Variants in RBFOX1 observed in about 807,000 individuals in gnomAD.
RBFOX1 encodes RNA binding fox-1 homolog 1.
RBFOX1 carries 8 observed loss-of-function variants against 57.7 expected under a neutral mutation model. That is an observed-to-expected ratio of 0.14 (90% CI 0.08 to 0.25). The LOEUF is 0.25. RBFOX1 is among the 10% of genes least tolerant of loss of function. The probability of loss-of-function intolerance (pLI) is 1.00; values close to 1 mark genes in which losing one functional copy is unlikely to be tolerated. For missense variants in RBFOX1, 611 were observed against 548.5 expected, an observed-to-expected ratio of 1.11 and a Z score of -1.14; for synonymous variants, 326 against 222.4, an observed-to-expected ratio of 1.47 and a Z score of -4.15.
intron 4 of RBFOX1, among the ~76,000 whole-genome samples, chr16:7,409,195 G>C (rs910730083): frequency 2.6e-5 from 4 of 152,214 alleles, no homozygotes; most frequent in Non-Finnish European, 5.9e-5. Context: ...TGTGATCAGA[G>C]AGTCTGGAGA....
rs576016383 is a variant in RBFOX1 at position 5,258,796 on chromosome 16, G to C, written c.219+18691G>C. Among the ~76,000 whole-genome samples the C allele has an allele frequency of 4.7e-4, 71 of 152,166 alleles. 1 individual carries two copies. In the South Asian group the frequency reaches 0.012, roughly 26 times the overall value. ...CCGGGCATGGTGGCAGGCGCCTATA[G>C]TCCCACCTACTCGGGAGGCTGAGGC... On this transcript the variant is annotated intron_variant, in intron 1 of 2. Coordinates refer to the RBFOX1 transcript ENST00000585867.
intron 3 of RBFOX1, among the ~76,000 whole-genome samples, chr16:6,851,782 C>A (rs966467598): frequency 6.6e-6 from 1 of 152,124 alleles, no homozygotes; most frequent in Non-Finnish European, 1.5e-5. Context: ...CAGGTGGCAC[C>A]CGGACCCTTA....
At chr16:7,007,311 A>C (rs2093359319) in intron 3 of RBFOX1, among the ~76,000 whole-genome samples, 1 of 152,196 alleles carries the variant, frequency 6.6e-6, no homozygotes, top group Admixed American at 6.5e-5. Flanking sequence ...GTACGAATGC[A>C]TCTCATCCTT....
chr16:6,443,845 C>CCCAT (rs941937640), intron 2 of RBFOX1, among the ~76,000 whole-genome samples: 52 of 147,442 alleles, frequency 3.5e-4, no homozygotes, highest in East Asian at 1.5e-3. Flanking sequence ...CATCCATGCA[C>CCCAT]CCATCCATCC....
At chr16:5,847,251 G>A (rs776057286) in intron 3 of RBFOX1, among the ~76,000 whole-genome samples, 9 of 152,050 alleles carry the variant, frequency 5.9e-5, no homozygotes, top group Non-Finnish European at 1.0e-4. Context: ...AGAAGTAGGG[G>A]GAAGGACACA....
chr16:7,463,017 C>G (rs1025649576), intron 4 of RBFOX1, among the ~76,000 whole-genome samples: 6 of 152,166 alleles, frequency 3.9e-5, no homozygotes, highest in Admixed American at 3.9e-4. Context: ...GCTGCCATAA[C>G]TAAATGCCAA....
intron 3 of RBFOX1, among the ~76,000 whole-genome samples, chr16:6,800,746 A>G (rs2085233937): frequency 6.6e-6 from 1 of 152,298 alleles, no homozygotes; most frequent in South Asian, 2.1e-4. Context: ...GATAAAGTAC[A>G]AAGTAAGGGT....
At chr16:5,257,168 A>G (rs2062610556) in intron 1 of RBFOX1, among the ~76,000 whole-genome samples, 1 of 136,020 alleles carries the variant, frequency 7.4e-6, no homozygotes, top group African/African-American at 2.9e-5. Context: ...AAACAAACAA[A>G]CAGAAAACTC....
chr16:6,756,996 A>C (rs1174065582), intron 3 of RBFOX1, among the ~76,000 whole-genome samples: 1 of 144,952 alleles, frequency 6.9e-6, no homozygotes, highest in Non-Finnish European at 1.5e-5. Flanking sequence ...ACAAACAAAC[A>C]AACAAACAAA....
At chr16:7,403,065 T>C (rs2098271288) in intron 4 of RBFOX1, among the ~76,000 whole-genome samples, 1 of 152,208 alleles carries the variant, frequency 6.6e-6, no homozygotes, top group African/African-American at 2.4e-5. Flanking sequence ...CTGGATTATC[T>C]GACCACTTCT....
At chr16:6,895,446 G>GTATATA (rs1439276748) in intron 3 of RBFOX1, among the ~76,000 whole-genome samples, 3 of 57,092 alleles carry the variant, frequency 5.3e-5, no homozygotes, top group Admixed American at 1.8e-4. Context: ...GTGTGTGTGT[G>GTATATA]TGTATATATA....
At chr16:7,364,409 G>T (rs1302034459) in intron 4 of RBFOX1, among the ~76,000 whole-genome samples, 1 of 152,082 alleles carries the variant, frequency 6.6e-6, no homozygotes, top group Non-Finnish European at 1.5e-5. Flanking sequence ...TAGATCTTGA[G>T]ATGCTAGCAT....
At chr16:6,251,436 C>G (rs1053878723) in intron 1 of RBFOX1, among the ~76,000 whole-genome samples, 2 of 152,042 alleles carry the variant, frequency 1.3e-5, no homozygotes. Flanking sequence ...GAACTAAGGT[C>G]CTTAGGTCTC....
chr16:6,900,142 G>C (rs932515567), intron 3 of RBFOX1, among the ~76,000 whole-genome samples: 13 of 152,078 alleles, frequency 8.5e-5, no homozygotes, highest in African/African-American at 2.4e-4. Context: ...GTTATTGCTG[G>C]TGGTGGTGGT....
Position 6,498,526 on chromosome 16 carries a change from T to C in RBFOX1, c.-63-156077T>C, listed in dbSNP as rs548483159. Among the ~76,000 whole-genome samples the C allele has an allele frequency of 2.6e-5, 4 of 152,248 alleles. No individual in the cohort carries two copies. In the South Asian group the frequency reaches 8.3e-4, roughly 32 times the overall value. The stretch of plus-strand genomic sequence containing the variant: ...CAGCAATCAGGCCCTTTTAGACCCA[T>C]AGATTTTGCCTGCAGGTGTTCCTCT... On this transcript the variant is annotated intron_variant, in intron 2 of 15. Transcript: ENST00000550418.
chr16:6,928,577 C>T (rs769164310), intron 3 of RBFOX1, among the ~76,000 whole-genome samples: 17 of 152,086 alleles, frequency 1.1e-4, no homozygotes, highest in Non-Finnish European at 1.3e-4. Context: ...TTATAAATTC[C>T]TTGGGATCAG....
chr16:6,369,703 A>G (rs941669761), intron 2 of RBFOX1, among the ~76,000 whole-genome samples: 1 of 152,078 alleles, frequency 6.6e-6, no homozygotes, highest in Non-Finnish European at 1.5e-5. Context: ...CATTTTCTAC[A>G]CCTTCTATGT....
At chr16:6,259,001 C>T (rs752344057) in intron 1 of RBFOX1, among the ~76,000 whole-genome samples, 1 of 152,146 alleles carries the variant, frequency 6.6e-6, no homozygotes, top group African/African-American at 2.4e-5. Context: ...TACAGAATAA[C>T]AAGATATAGA....
At chr16:5,832,284 C>T (rs2056300591) in intron 3 of RBFOX1, among the ~76,000 whole-genome samples, 1 of 152,126 alleles carries the variant, frequency 6.6e-6, no homozygotes, top group Admixed American at 6.5e-5. Flanking sequence ...AGTTCTTTAC[C>T]CCAGCTAGTT....
Sources: gnomAD v4.1 joint callset for allele counts (sites outside exome capture counted in the v4.1 genomes callset) on GRCh38, gnomAD v4.1.1 for gene constraint, MANE v1.5 for transcripts, NCBI Gene and HGNC (gene_info 2026-07-23, HGNC 2026-07-21) for gene names.